PLCE1: variants seen among roughly 807,000 people sequenced by gnomAD.
The protein encoded by PLCE1 is phospholipase C epsilon 1.
PLCE1 carries 119 observed loss-of-function variants against 242.8 expected under a neutral mutation model. The observed-to-expected ratio is 0.49, with a 90% CI of 0.42 to 0.57. The LOEUF (loss-of-function observed/expected upper bound fraction) is 0.57. Among genes scored for constraint, PLCE1 ranks in the 20% least tolerant of loss-of-function variants. PLCE1 has a pLI of 0.00. For synonymous variants in PLCE1, 945 were observed against 1,017.4 expected, an observed-to-expected ratio of 0.93 and a Z score of 1.35; for missense variants, 2,441 against 2,788.8, an observed-to-expected ratio of 0.88 and a Z score of 2.81.
In PLCE1 at chr10:94,306,588, T is replaced by A; in HGVS notation, c.5784T>A (p.Val1928=). Residue 1928 remains valine (V), a synonymous_variant, in exon 26 of 33, where the codon GTT becomes GTA. Transcript: ENST00000371380. The surrounding 1 kb of genome is among the most constrained non-coding windows in gnomAD (Gnocchi z 5.7). Reference sequence around the variant, plus strand: ...GGAACGAGCAGTTTCTGTTCCACGTTCACTTCGAAGATCTTGTATTTCTTC... The same window carrying A: ...GGAACGAGCAGTTTCTGTTCCACGTACACTTCGAAGATCTTGTATTTCTTC... ...PMWNEQFLFH[V]HFEDLVFLRF... 2.5e-6 allele frequency: 4 copies of A among 1,614,138 alleles called. No homozygotes were observed. Among genetic ancestry groups the A allele is most frequent in the Non-Finnish European group, 3.4e-6 (4 of 1,179,954 alleles).
At chr10:94,012,664 G>A (rs2061193771) in intron 1 of PLCE1, among the ~76,000 whole-genome samples, 2 of 152,106 alleles carry the variant, frequency 1.3e-5, no homozygotes, top group African/African-American at 2.4e-5. Context: ...CCCAAAGTGG[G>A]AGAGTGGCTG....
chr10:94,255,950 T>TCTCTCTCC (rs2051073656), intron 11 of PLCE1, among the ~76,000 whole-genome samples: 1 of 117,092 alleles, frequency 8.5e-6, no homozygotes, highest in Non-Finnish European at 1.9e-5. Context: ...TCTCTCTCTC[T>TCTCTCTCC]CTCTCTCCCC....
intron 2 of PLCE1, among the ~76,000 whole-genome samples, chr10:94,069,417 T>C (rs2044289349): frequency 6.6e-6 from 1 of 152,000 alleles, no homozygotes; most frequent in Non-Finnish European, 1.5e-5. Context: ...CTGGCCAACA[T>C]AGTGAAAACC....
At chr10:94,226,729 AAG>A (rs72102824) in intron 4 of PLCE1, among the ~76,000 whole-genome samples, 2,789 of 152,084 alleles carry the variant, frequency 0.018, 45 homozygotes, top group African/African-American at 0.051. Flanking sequence ...TTATAGTCAA[AAG>A]AAATTTTTTC....
intron 11 of PLCE1, among the ~76,000 whole-genome samples, chr10:94,255,985 C>T (rs573928072): frequency 1.3e-5 from 2 of 150,590 alleles, no homozygotes; most frequent in East Asian, 2.0e-4. Context: ...CCCCACGCCC[C>T]TCTCTCTCTT....
At chr10:94,315,769 CAAAAAAAAAAAAA>C (rs10572287) in intron 28 of PLCE1, among the ~76,000 whole-genome samples, 1 of 122,870 alleles carries the variant, frequency 8.1e-6, no homozygotes, top group Non-Finnish European at 1.7e-5. Context: ...GACTCTGTCT[CAAAAAAAAAAAAA>C]AAAAAAAAGT....
intron 3 of PLCE1, among the ~76,000 whole-genome samples, chr10:94,157,528 C>G (rs930546175): frequency 3.9e-5 from 6 of 152,166 alleles, no homozygotes; most frequent in African/African-American, 1.4e-4. Flanking sequence ...CTTACAGCAC[C>G]TGAGATCCTA....
intron 3 of PLCE1, among the ~76,000 whole-genome samples, chr10:94,156,491 C>T (rs1290447659): frequency 6.6e-6 from 1 of 152,126 alleles, no homozygotes; most frequent in Non-Finnish European, 1.5e-5. Context: ...AAATGAACAG[C>T]CAGATGAAGA....
In PLCE1 at chr10:94,252,474, G is replaced by A; in HGVS notation, c.3255G>A (p.Lys1085=). The change falls in exon 9 of 33, where the codon AAG becomes AAA. Residue 1085 remains lysine, a synonymous_variant. Coordinates refer to ENST00000371380, the MANE Select transcript of PLCE1 (RefSeq NM_016341.4). ...RNNTLGISTT[K]KKKKILMRGE... is the part of the protein sequence containing the mutation. ...ATACCCTGGGCATAAGCACTACCAA[G>A]AAAAAGAAGAAAATCCTCATGAGGG... The A allele has an allele frequency of 6.2e-7, 1 of 1,613,656 alleles. No homozygotes were observed.
intron 7 of PLCE1, among the ~76,000 whole-genome samples, chr10:94,241,293 G>A (rs57612487): frequency 0.066 from 9,975 of 152,078 alleles, 602 homozygotes; most frequent in African/African-American, 0.16. Flanking sequence ...TAATGCTTGT[G>A]GTATTTCACT....
intron 4 of PLCE1, among the ~76,000 whole-genome samples, chr10:94,198,260 A>C (rs2136714575): frequency 6.6e-6 from 1 of 152,242 alleles, no homozygotes; most frequent in East Asian, 1.9e-4. Context: ...GGATAGAGAG[A>C]AAATCAGTTT....
chr10:94,201,645 T>A (rs927418558), intron 4 of PLCE1, among the ~76,000 whole-genome samples: 1 of 152,072 alleles, frequency 6.6e-6, no homozygotes, highest in African/African-American at 2.4e-5. Context: ...CCGGCTAATT[T>A]TTTTTGGTAT....
At chr10:94,063,778 G>A (rs1015562739) in intron 2 of PLCE1, among the ~76,000 whole-genome samples, 3 of 152,166 alleles carry the variant, frequency 2.0e-5, no homozygotes, top group Non-Finnish European at 2.9e-5. Context: ...CCTAACCTAC[G>A]GGCGATGAGG....
chr10:94,158,519 C>T (rs936358503), intron 3 of PLCE1, among the ~76,000 whole-genome samples: 13 of 151,798 alleles, frequency 8.6e-5, no homozygotes, highest in Non-Finnish European at 4.4e-5. Flanking sequence ...GGAAATTTCC[C>T]AATGTGGGTA....
chr10:94,032,157 C>G lies in PLCE1; in HGVS notation c.1111C>G (p.Pro371Ala), dbSNP rs867723144. 1.2e-6 allele frequency: 2 copies of G among 1,609,396 alleles called. No individual in the cohort carries two copies. Among genetic ancestry groups the G allele is most frequent in the East Asian group, 4.5e-5 (2 of 44,832 alleles). ...WSYIDQKRNGPLLPCGRVMEP... is the reference protein window; with the variant it reads ...WSYIDQKRNGALLPCGRVMEP... ...TTACATAGATCAGAAGAGAAATGGT[C>G]CCTTACTGCCTTGTGGGAGAGTAAT... Residue 371 changes from proline (P) to alanine (A), a missense_variant, in exon 2 of 33, where the codon CCC becomes GCC. By Grantham distance (27) the Pro-to-Ala change is conservative. Coordinates refer to ENST00000371380, the MANE Select transcript of PLCE1 (RefSeq NM_016341.4).
chr10:94,029,212 T>C (rs2061508867), intron 1 of PLCE1, among the ~76,000 whole-genome samples: 1 of 152,186 alleles, frequency 6.6e-6, no homozygotes, highest in Non-Finnish European at 1.5e-5. Flanking sequence ...TTGAATTGCT[T>C]ACCTCATGGG....
intron 5 of PLCE1, among the ~76,000 whole-genome samples, chr10:94,230,106 T>C (rs544663046): frequency 6.6e-6 from 1 of 152,224 alleles, no homozygotes; most frequent in Non-Finnish European, 1.5e-5. Flanking sequence ...ACTTTGGTTT[T>C]TTTATGGACA....
chr10:94,234,424 A>C (rs1280957959), intron 6 of PLCE1, 112 bp downstream of exon 6: 4 of 1,161,722 alleles, frequency 3.4e-6, no homozygotes, highest in Non-Finnish European at 5.1e-6. Flanking sequence ...CAGGGTTAAT[A>C]GTTGTTATAT....
chr10:94,227,544 C>A, intron 5 of PLCE1, 93 bp downstream of exon 5: 1 of 1,168,272 alleles, frequency 8.6e-7, no homozygotes, highest in Non-Finnish European at 1.3e-6. Context: ...CACCTTTACC[C>A]AAGCCAGGTA....
Sources: gnomAD v4.1 joint callset for allele counts (sites outside exome capture counted in the v4.1 genomes callset) on GRCh38, gnomAD v4.1.1 for gene constraint, Gnocchi (gnomAD v3.1) non-coding constraint, MANE v1.5 for transcripts, NCBI Gene and HGNC (gene_info 2026-07-23, HGNC 2026-07-21) for gene names.